TNR: variants seen among roughly 807,000 people sequenced by gnomAD.
TNR encodes tenascin-R.
TNR carries 45 observed loss-of-function variants against 150.4 expected under a neutral mutation model. The ratio of observed to expected loss-of-function variants is 0.30; its 90% confidence interval spans 0.24 to 0.38. The LOEUF is 0.38. Ranked by LOEUF, TNR falls within the 10% of genes least tolerant of loss-of-function variation. TNR has a pLI of 1.00. For synonymous variants in TNR, 687 were observed against 678.4 expected, an observed-to-expected ratio of 1.01 and a Z score of -0.20; for missense variants, 1,544 against 1,759.1, an observed-to-expected ratio of 0.88 and a Z score of 2.19.
intron 2 of TNR, among the ~76,000 whole-genome samples, chr1:175,504,891 G>T (rs1037532098): frequency 6.6e-6 from 1 of 152,178 alleles, no homozygotes; most frequent in Non-Finnish European, 1.5e-5. Flanking sequence ...AGAAGAAGAA[G>T]AAATTTGGAC....
chr1:175,375,805 C>T (rs1652350868), intron 9 of TNR, among the ~76,000 whole-genome samples: 1 of 152,112 alleles, frequency 6.6e-6, no homozygotes, highest in African/African-American at 2.4e-5. Flanking sequence ...AGGATTAATA[C>T]CAATAAAAAA....
In TNR at chr1:175,335,897, T is replaced by C. The variant is rs868100523; in HGVS notation, c.3535-90A>G. ...GGAAAATAAACTGTGATAAGTAAAATTGATATAACTGGGTTTTATATCTGC... is the reference window on the plus strand; with the variant it reads ...GGAAAATAAACTGTGATAAGTAAAACTGATATAACTGGGTTTTATATCTGC... On this transcript the variant is annotated intron_variant, in intron 19 of 22. Transcript: ENST00000367674. The C allele has an allele frequency of 9.5e-6, 11 of 1,154,530 alleles. No individual in the cohort carries two copies. In the South Asian group the frequency reaches 1.5e-4, roughly 16 times the overall value. 71.5% of individuals were successfully genotyped at this position (1,154,530 alleles called of 1,614,324 possible).
At chr1:175,732,067 C>T (rs1667657047) in intron 1 of TNR, among the ~76,000 whole-genome samples, 1 of 152,200 alleles carries the variant, frequency 6.6e-6, no homozygotes, top group African/African-American at 2.4e-5. Flanking sequence ...CATATCCCCA[C>T]CAGCACTCCC....
At position 175,406,301 on chromosome 1, in the gene TNR, C is replaced by A. The variant is rs1290483156; in HGVS notation, c.414G>T (p.Leu138=). 5 of 1,614,160 alleles carry A rather than the reference C, an allele frequency of 3.1e-6. No homozygotes were observed. The highest frequency in any genetic ancestry group is 4.2e-6 in the Non-Finnish European group (5 of 1,180,006). The change falls in exon 3 of 23, where the codon CTG becomes CTT. Residue 138 remains leucine, a synonymous_variant. Coordinates refer to ENST00000367674, the MANE Select transcript of TNR (RefSeq NM_003285.3). The part of the protein sequence containing the change: ...ASSAQVLQEL[L]SRIEMLEREV... The stretch of plus-strand genomic sequence containing the variant: ...CCCTCTCCAGCATCTCGATCCGGCT[C>A]AGCAGCTCCTGCAGCACCTGGGCTG...
chr1:175,483,469 A>G (rs1657886302), intron 2 of TNR, among the ~76,000 whole-genome samples: 1 of 152,206 alleles, frequency 6.6e-6, no homozygotes, highest in Admixed American at 6.5e-5. Context: ...AGGCCTCTTC[A>G]CAGACCTGCA....
rs859461 is a variant in TNR, at chr1:175,446,853, A to G, written c.-63-40076T>C. ...GCTGCCTTGGACTTTTGTTGTGTGTATGTGTGTTCATGTGTCTGTACATGT... is the reference window on the plus strand; with the variant it reads ...GCTGCCTTGGACTTTTGTTGTGTGTGTGTGTGTTCATGTGTCTGTACATGT... On this transcript the variant is annotated intron_variant, in intron 2 of 22. Transcript: ENST00000367674. 2.8e-3 allele frequency among the ~76,000 whole-genome samples: 421 copies of G among 152,056 alleles called. 6 individuals are homozygous for G. The highest frequency in any genetic ancestry group is 9.5e-3 in the African/African-American group (395 of 41,460).
chr1:175,495,983 TA>T (rs1658471459), intron 2 of TNR, among the ~76,000 whole-genome samples: 1 of 152,198 alleles, frequency 6.6e-6, no homozygotes, highest in South Asian at 2.1e-4. Flanking sequence ...AACACTGGAT[TA>T]TACTGCGGGG....
intron 18 of TNR, among the ~76,000 whole-genome samples, chr1:175,342,891 C>T (rs1377693004): frequency 6.6e-6 from 1 of 152,200 alleles, no homozygotes; most frequent in Non-Finnish European, 1.5e-5. Flanking sequence ...TCTTATTATT[C>T]CTTTGATCCA....
At chr1:175,484,139 A>G (rs1034486630) in intron 2 of TNR, among the ~76,000 whole-genome samples, 6 of 152,272 alleles carry the variant, frequency 3.9e-5, no homozygotes, top group Non-Finnish European at 8.8e-5. Flanking sequence ...TGGAAGTCAG[A>G]TGGATAAAAG....
At chr1:175,465,479 T>A (rs1442566289) in intron 2 of TNR, among the ~76,000 whole-genome samples, 3 of 152,212 alleles carry the variant, frequency 2.0e-5, no homozygotes, top group African/African-American at 7.2e-5. Flanking sequence ...GGGATTTTTT[T>A]ATGAGGTCTT....
chr1:175,742,016 C>T (rs1476791315), intron 1 of TNR, among the ~76,000 whole-genome samples: 1 of 152,180 alleles, frequency 6.6e-6, no homozygotes, highest in Non-Finnish European at 1.5e-5. Context: ...GCTGGCTCCA[C>T]GGAGACTTGA....
At chr1:175,336,829 ATC>A (rs1391943889) in intron 19 of TNR, among the ~76,000 whole-genome samples, 2 of 151,982 alleles carry the variant, frequency 1.3e-5, no homozygotes, top group African/African-American at 2.4e-5. Context: ...GCTTCTGATC[ATC>A]TCTCTGTGGT....
At chr1:175,462,987 G>GT (rs1289958430) in intron 2 of TNR, among the ~76,000 whole-genome samples, 1 of 152,196 alleles carries the variant, frequency 6.6e-6, no homozygotes, top group Non-Finnish European at 1.5e-5. Context: ...TTTAGAAACT[G>GT]TTTCTGTAGA....
chr1:175,338,905 A>G (rs900555324), intron 18 of TNR, among the ~76,000 whole-genome samples: 1 of 152,166 alleles, frequency 6.6e-6, no homozygotes, highest in Non-Finnish European at 1.5e-5. Flanking sequence ...CTGCCCCCGC[A>G]CCAGGACTGC....
chr1:175,688,533 C>T (rs1666266038), intron 1 of TNR, among the ~76,000 whole-genome samples: 1 of 152,074 alleles, frequency 6.6e-6, no homozygotes, highest in African/African-American at 2.4e-5. Context: ...TGCCACAGAC[C>T]CCAGTTTTGT....
At position 175,323,154 on chromosome 1, in the gene TNR, G is replaced by C. The variant is rs1649155666; in HGVS notation, c.*203C>G. Reference sequence around the variant, plus strand: ...AGGTTGAGGAGGCCTGGGTAGGAGGGAGAATGGAGACTGAGGGTCAGGCTC... The same window carrying C: ...AGGTTGAGGAGGCCTGGGTAGGAGGCAGAATGGAGACTGAGGGTCAGGCTC... On this transcript the variant is annotated 3_prime_UTR_variant, in exon 23 of 23. Transcript: ENST00000367674. 5.2e-6 allele frequency: 3 copies of C among 572,294 alleles called. No homozygotes were observed. Among genetic ancestry groups the C allele is most frequent in the Non-Finnish European group, 8.7e-6 (3 of 343,646 alleles). 35.5% of individuals were successfully genotyped at this position (572,294 alleles called of 1,614,324 possible).
chr1:175,699,526 G>C (rs1666625307), intron 1 of TNR, among the ~76,000 whole-genome samples: 1 of 152,164 alleles, frequency 6.6e-6, no homozygotes, highest in Non-Finnish European at 1.5e-5. Flanking sequence ...CTGATACACA[G>C]GGGAGATGAT....
chr1:175,715,753 A>G (rs1175040838), intron 1 of TNR, among the ~76,000 whole-genome samples: 1 of 152,186 alleles, frequency 6.6e-6, no homozygotes, highest in Non-Finnish European at 1.5e-5. Flanking sequence ...CTCAGAATAA[A>G]TGACTTATTT....
rs74127373 is a variant in TNR at position 175,634,184 on chromosome 1, T to C, written c.-164-105815A>G. Among the ~76,000 whole-genome samples, 356 of 152,306 alleles carry C rather than the reference T, an allele frequency of 2.3e-3. 2 individuals are homozygous for C. The highest frequency in any genetic ancestry group is 7.7e-3 in the African/African-American group (321 of 41,580). On this transcript the variant is annotated intron_variant, in intron 1 of 22. Coordinates refer to ENST00000367674, the MANE Select transcript of TNR (RefSeq NM_003285.3). ...TTTATATCAGTGGCAGGGAGGAAGA[T>C]GGGGAGGAGGGCAGAGCTGTGTGCC...
Sources: gnomAD v4.1 joint callset for allele counts (sites outside exome capture counted in the v4.1 genomes callset) on GRCh38, gnomAD v4.1.1 for gene constraint, MANE v1.5 for transcripts, NCBI Gene and HGNC (gene_info 2026-07-23, HGNC 2026-07-21) for gene names.